PALM2AKAP2: variants seen among roughly 807,000 people sequenced by gnomAD.
PALM2AKAP2 encodes PALM2 and AKAP2 fusion, also known as PALM2-AKAP2 fusion protein.
A neutral mutation model predicts 71.5 loss-of-function variants in PALM2AKAP2; 37 were observed. That is an observed-to-expected ratio of 0.52 (90% CI 0.40 to 0.68). The LOEUF is 0.68. Ranked by LOEUF, PALM2AKAP2 falls within the 30% of genes least tolerant of loss-of-function variation. PALM2AKAP2 has a pLI of 0.00. For missense variants in PALM2AKAP2, 1,224 were observed against 1,191.8 expected, an observed-to-expected ratio of 1.03 and a Z score of -0.40; for synonymous variants, 468 against 478.8, an observed-to-expected ratio of 0.98 and a Z score of 0.29.
At chr9:109,704,168 A>T (rs1587874811) in intron 1 of PALM2AKAP2, among the ~76,000 whole-genome samples, 1 of 152,206 alleles carries the variant, frequency 6.6e-6, no homozygotes. Context: ...TGAAAGAAAG[A>T]ACAGAAGATG....
intron 7 of PALM2AKAP2, among the ~76,000 whole-genome samples, chr9:110,026,999 C>T (rs780758640): frequency 1.3e-5 from 2 of 152,060 alleles, no homozygotes; most frequent in Admixed American, 1.3e-4. Context: ...GCCGAGATCG[C>T]GCCACTGCAC....
At chr9:110,096,987 G>A (rs1325155086) in intron 1 of PALM2AKAP2, among the ~76,000 whole-genome samples, 4 of 147,784 alleles carry the variant, frequency 2.7e-5, no homozygotes, top group African/African-American at 9.9e-5. Context: ...TCATTCTTGG[G>A]TGTTTCTCGC....
chr9:109,851,332 G>A (rs1165800626), intron 1 of PALM2AKAP2, among the ~76,000 whole-genome samples: 1 of 152,116 alleles, frequency 6.6e-6, no homozygotes, highest in Non-Finnish European at 1.5e-5. Context: ...TGATCTTAAT[G>A]GTCTTCCAGG....
At chr9:110,087,399 A>C (rs563295606) in intron 1 of PALM2AKAP2, among the ~76,000 whole-genome samples, 25 of 152,334 alleles carry the variant, frequency 1.6e-4, no homozygotes, top group Admixed American at 1.6e-3. Flanking sequence ...GGCTGGGACT[A>C]ATCTTGCAGG....
intron 2 of PALM2AKAP2, among the ~76,000 whole-genome samples, chr9:109,874,949 C>G (rs1171177092): frequency 2.0e-5 from 3 of 152,202 alleles, no homozygotes; most frequent in Non-Finnish European, 4.4e-5. Context: ...TCACTTGAAC[C>G]ATGCAATAAA....
intron 1 of PALM2AKAP2, among the ~76,000 whole-genome samples, chr9:110,118,393 C>T (rs1483979722): frequency 2.0e-5 from 3 of 151,990 alleles, no homozygotes; most frequent in African/African-American, 7.2e-5. Context: ...ACTACAGGAG[C>T]CCACCACCAC....
At chr9:109,945,805 A>G (rs1421751528) in intron 6 of PALM2AKAP2, 1 of 152,218 alleles carries the variant, frequency 6.6e-6, no homozygotes, top group African/African-American at 2.4e-5. Flanking sequence ...TCCTTGCATA[A>G]GTGAACTAGT....
At chr9:109,775,697 G>A (rs555015028), upstream of PALM2AKAP2, among the ~76,000 whole-genome samples, 3 of 152,316 alleles carry the variant, frequency 2.0e-5, no homozygotes, top group African/African-American at 7.2e-5. Flanking sequence ...GCTGGGAAAT[G>A]TCACACTCAT....
At chr9:109,817,156 T>C (rs755031920) in intron 1 of PALM2AKAP2, among the ~76,000 whole-genome samples, 3 of 152,232 alleles carry the variant, frequency 2.0e-5, no homozygotes, top group African/African-American at 4.8e-5. Flanking sequence ...TATAAGTCTA[T>C]TGGTTAATGT....
chr9:109,715,317 A>G (rs1306897399), intron 1 of PALM2AKAP2, among the ~76,000 whole-genome samples: 1 of 152,156 alleles, frequency 6.6e-6, no homozygotes, highest in African/African-American at 2.4e-5. Context: ...GGACTTAGGG[A>G]AGGCCAGTCC....
At chr9:110,103,069 C>T (rs2118885731) in intron 1 of PALM2AKAP2, among the ~76,000 whole-genome samples, 1 of 152,306 alleles carries the variant, frequency 6.6e-6, no homozygotes, top group South Asian at 2.1e-4. Context: ...TCCCAGATTT[C>T]AGAGGGCAGC....
At chr9:110,131,584 T>C (rs915014814) in intron 1 of PALM2AKAP2, among the ~76,000 whole-genome samples, 19 of 152,208 alleles carry the variant, frequency 1.2e-4, no homozygotes, top group Non-Finnish European at 2.4e-4. Flanking sequence ...CCGGATAGGT[T>C]AGATTTCCAG....
In PALM2AKAP2 at chr9:110,119,330, A is replaced by G. The variant is rs190490514; in HGVS notation, c.157-16797A>G. ...TGCACTCCAGCCTGGTGACAGAGCG[A>G]GACTCCATCTCAAAAAAAAAAAAAA... On this transcript the variant is annotated intron_variant, in intron 1 of 3. Transcript: ENST00000374525. 8.1e-4 allele frequency among the ~76,000 whole-genome samples: 110 copies of G among 136,174 alleles called. No individual in the cohort carries two copies. In the East Asian group the frequency reaches 0.019, roughly 24 times the overall value. 89.3% of individuals were successfully genotyped at this position (136,174 alleles called of 152,430 possible). A position where few individuals can be genotyped will look rare whatever the true frequency, so the allele number is the denominator to read the frequency against.
chr9:109,827,361 A>G (rs1234058505), intron 1 of PALM2AKAP2, among the ~76,000 whole-genome samples: 1 of 152,166 alleles, frequency 6.6e-6, no homozygotes, highest in Non-Finnish European at 1.5e-5. Flanking sequence ...CATGACTGTA[A>G]TCCCAGCACT....
intron 7 of PALM2AKAP2, among the ~76,000 whole-genome samples, chr9:110,035,794 G>A (rs1388913104): frequency 7.1e-6 from 1 of 141,456 alleles, no homozygotes; most frequent in Non-Finnish European, 1.5e-5. Flanking sequence ...TATAGGATAT[G>A]TTGTGTGTTA....
intron 1 of PALM2AKAP2, among the ~76,000 whole-genome samples, chr9:109,797,966 G>A (rs1383527553): frequency 6.6e-6 from 1 of 152,244 alleles, no homozygotes; most frequent in South Asian, 2.1e-4. Context: ...CACAAATTGG[G>A]TGGCTTAAAC....
chr9:109,963,375 T>C (rs1831886983), intron 6 of PALM2AKAP2, among the ~76,000 whole-genome samples: 2 of 152,226 alleles, frequency 1.3e-5, no homozygotes, highest in Non-Finnish European at 2.9e-5. Flanking sequence ...TTTACTGTAT[T>C]GATTCACACA....
At chr9:109,747,247 A>G (rs1828816523) in intron 1 of PALM2AKAP2, among the ~76,000 whole-genome samples, 1 of 152,190 alleles carries the variant, frequency 6.6e-6, no homozygotes, top group African/African-American at 2.4e-5. Context: ...TTGTCTTTCA[A>G]GTGGTTTATG....
At chr9:109,901,569 A>C (rs1830331888) in intron 3 of PALM2AKAP2, among the ~76,000 whole-genome samples, 1 of 152,242 alleles carries the variant, frequency 6.6e-6, no homozygotes, top group Non-Finnish European at 1.5e-5. Flanking sequence ...TCAGAATAGC[A>C]GATTGGAAAC....
Sources: gnomAD v4.1 joint callset for allele counts (sites outside exome capture counted in the v4.1 genomes callset) on GRCh38, gnomAD v4.1.1 for gene constraint, MANE v1.5 for transcripts, NCBI Gene and HGNC (gene_info 2026-07-23, HGNC 2026-07-21) for gene names.